The following ZBTB8A variants were observed in gnomAD, a reference collection of about 807,000 sequenced individuals.
The protein encoded by ZBTB8A is zinc finger and BTB domain-containing protein 8A.
Under a neutral mutation model 37.8 loss-of-function variants are expected in ZBTB8A, and 19 were observed. The observed-to-expected ratio is 0.50, with a 90% CI of 0.35 to 0.74. The LOEUF (loss-of-function observed/expected upper bound fraction) is 0.74, where lower values mean the gene tolerates loss of function less well. Among genes scored for constraint, ZBTB8A ranks in the 30% least tolerant of loss-of-function variants. ZBTB8A has a pLI of 0.01. For missense variants in ZBTB8A, 394 were observed against 537.8 expected (o/e 0.73, Z 2.65); for synonymous variants, 181 against 185.2 (o/e 0.98, Z 0.19).
intron 2 of ZBTB8A, among the ~76,000 whole-genome samples, chr1:32,588,268 T>C (rs1644463495): frequency 1.3e-5 from 2 of 152,060 alleles, no homozygotes; most frequent in South Asian, 4.1e-4. Context: ...GGGGATGCCT[T>C]ATGGGACCGA....
At chr1:32,545,157 A>G (rs1186328403) in intron 1 of ZBTB8A, among the ~76,000 whole-genome samples, 2 of 152,182 alleles carry the variant, frequency 1.3e-5, no homozygotes, top group Non-Finnish European at 1.5e-5. Flanking sequence ...TACTCTGGCC[A>G]ACACTTAGTA....
At chr1:32,578,610 C>T (rs892185265) in intron 2 of ZBTB8A, among the ~76,000 whole-genome samples, 23 of 151,972 alleles carry the variant, frequency 1.5e-4, no homozygotes, top group African/African-American at 5.5e-4. Flanking sequence ...GCTTTTACAT[C>T]CTTCTTTGCT....
In ZBTB8A at chr1:32,602,698, C is replaced by A. The variant is rs1054304984; in HGVS notation, c.*2279C>A. The A allele has an allele frequency of 1.3e-5, 2 of 151,832 alleles. No homozygotes were observed. The highest frequency in any genetic ancestry group is 2.9e-5 in the Non-Finnish European group (2 of 67,992). 9.4% of individuals were successfully genotyped at this position (151,832 alleles called of 1,614,324 possible). A position where few individuals can be genotyped will look rare whatever the true frequency, so the allele number is the denominator to read the frequency against. ...CCCGAGTAGCTGGGACTTACAGGCG[C>A]CCACCACCACTCCCAGCTAATTTTT... On this transcript the variant is annotated 3_prime_UTR_variant, in exon 5 of 5. Coordinates refer to ENST00000373510, the MANE Select transcript of ZBTB8A (RefSeq NM_001040441.3).
At position 32,544,955 on chromosome 1, in the gene ZBTB8A, A is replaced by G. The variant is rs1419441794; in HGVS notation, c.-84+5383A>G. On this transcript the variant is annotated intron_variant, in intron 1 of 4. Coordinates refer to ENST00000373510, the MANE Select transcript of ZBTB8A (RefSeq NM_001040441.3). ...CTTAGCTGTTGCAAATAATGCTATT[A>G]TAAACATTCGTGTATCAGTTTCTGT... 2.6e-5 allele frequency among the ~76,000 whole-genome samples: 4 copies of G among 152,174 alleles called. No individual in the cohort carries two copies. In the East Asian group the frequency reaches 5.8e-4, roughly 22 times the overall value.
intron 2 of ZBTB8A, among the ~76,000 whole-genome samples, chr1:32,586,193 C>T (rs966467986): frequency 1.3e-5 from 2 of 151,706 alleles, no homozygotes; most frequent in Non-Finnish European, 2.9e-5. Context: ...GTGGTGCATG[C>T]CTGTAATCCC....
At chr1:32,542,965 T>A (rs1312576083) in intron 1 of ZBTB8A, among the ~76,000 whole-genome samples, 5 of 152,206 alleles carry the variant, frequency 3.3e-5, no homozygotes, top group Non-Finnish European at 5.9e-5. Flanking sequence ...GAAAATAACT[T>A]AAACCTTTTT....
chr1:32,549,577 G>A (rs760719871), intron 1 of ZBTB8A, among the ~76,000 whole-genome samples: 2 of 152,070 alleles, frequency 1.3e-5, no homozygotes, highest in Non-Finnish European at 2.9e-5. Flanking sequence ...TAATTTAAGG[G>A]TCGACTAACT....
chr1:32,603,017 A>G lies in ZBTB8A; in HGVS notation c.*2598A>G, dbSNP rs997232843. ...AAATAGATGAATAACCACTTGTTTC[A>G]TGGTACTTAATTGAGACTTTTTCAA... On this transcript the variant is annotated 3_prime_UTR_variant, in exon 5 of 5. Coordinates refer to ENST00000373510, the MANE Select transcript of ZBTB8A (RefSeq NM_001040441.3). 2 of 152,116 alleles carry G rather than the reference A, an allele frequency of 1.3e-5. No individual in the cohort carries two copies. The highest frequency in any genetic ancestry group is 2.4e-5 in the African/African-American group (1 of 41,424). 9.4% of individuals were successfully genotyped at this position (152,116 alleles called of 1,614,324 possible). A position where few individuals can be genotyped will look rare whatever the true frequency, so the allele number is the denominator to read the frequency against.
intron 3 of ZBTB8A, among the ~76,000 whole-genome samples, chr1:32,594,540 A>G (rs1056353554): frequency 6.6e-6 from 1 of 152,130 alleles, no homozygotes; most frequent in Non-Finnish European, 1.5e-5. Context: ...AGGCGGGCAG[A>G]TCATGAGGTC....
intron 2 of ZBTB8A, among the ~76,000 whole-genome samples, chr1:32,581,217 T>A (rs1324957386): frequency 2.1e-5 from 2 of 96,232 alleles, no homozygotes; most frequent in African/African-American, 8.4e-5. Flanking sequence ...ATATTATATA[T>A]AATATAATAT....
chr1:32,592,706 C>A (rs1459946378), intron 2 of ZBTB8A, among the ~76,000 whole-genome samples: 1 of 152,038 alleles, frequency 6.6e-6, no homozygotes, highest in East Asian at 1.9e-4. Context: ...AGGGTTTCGC[C>A]ATGTTGTCCA....
In ZBTB8A at chr1:32,594,828, G is replaced by A. The variant is rs117431619; in HGVS notation, c.824-226G>A. On this transcript the variant is annotated intron_variant, in intron 3 of 4. Transcript: ENST00000373510. ...CAACTTTCTAAATATATCAAATACC[G>A]AAGTTAAAGTTCCATACTTAGGATT... 1.4e-3 allele frequency among the ~76,000 whole-genome samples: 208 copies of A among 150,692 alleles called. 5 individuals carry two copies. The East Asian group carries it at 0.031, about 22-fold the overall frequency.
At chr1:32,549,748 T>A (rs1644136995) in intron 1 of ZBTB8A, among the ~76,000 whole-genome samples, 1 of 151,926 alleles carries the variant, frequency 6.6e-6, no homozygotes, top group Non-Finnish European at 1.5e-5. Flanking sequence ...TGAAAATAAA[T>A]AAAAGGAAAC....
At chr1:32,581,987 A>C (rs1255802061) in intron 2 of ZBTB8A, among the ~76,000 whole-genome samples, 1 of 152,098 alleles carries the variant, frequency 6.6e-6, no homozygotes, top group Non-Finnish European at 1.5e-5. Flanking sequence ...GAGGATTACA[A>C]TTCAAGATGA....
Position 32,600,657 on chromosome 1 carries a change from C to T in ZBTB8A, c.*238C>T. On this transcript the variant is annotated 3_prime_UTR_variant, in exon 5 of 5. Coordinates refer to ENST00000373510, the MANE Select transcript of ZBTB8A (RefSeq NM_001040441.3). ...AGCTTGAGTTGGCTTGATGGATGAA[C>T]AATTATCCTCTTACTTTCATTACAA... 4.6e-6 allele frequency: 2 copies of T among 435,374 alleles called. No homozygotes were observed. Among genetic ancestry groups the T allele is most frequent in the Non-Finnish European group, 8.2e-6 (2 of 243,950 alleles). The allele number at this position is 435,374 out of a possible 1,614,324, so 27.0% of individuals were successfully genotyped here.
intron 2 of ZBTB8A, among the ~76,000 whole-genome samples, chr1:32,575,021 C>T (rs1355186245): frequency 6.6e-6 from 1 of 152,070 alleles, no homozygotes; most frequent in African/African-American, 2.4e-5. Flanking sequence ...GTAGTTCTCC[C>T]ACTTTGGCCT....
At chr1:32,543,890 A>C (rs1355718503) in intron 1 of ZBTB8A, among the ~76,000 whole-genome samples, 2 of 151,950 alleles carry the variant, frequency 1.3e-5, no homozygotes, top group Admixed American at 6.6e-5. Context: ...GTTCGCCAGG[A>C]TGGTCTCGGT....
chr1:32,592,351 G>A (rs959195793), intron 2 of ZBTB8A, among the ~76,000 whole-genome samples: 3 of 151,772 alleles, frequency 2.0e-5, no homozygotes, highest in South Asian at 2.1e-4. Context: ...GCTCGGGTAC[G>A]TGGTGAGACC....
chr1:32,550,650 T>C (rs1644145383), intron 1 of ZBTB8A, among the ~76,000 whole-genome samples: 1 of 149,880 alleles, frequency 6.7e-6, no homozygotes, highest in Admixed American at 6.7e-5. Context: ...GAAAAAGAGA[T>C]CAGTTCTCTT....
Sources: allele counts gnomAD v4.1 joint callset (sites outside exome capture counted in the v4.1 genomes callset), GRCh38; gene constraint gnomAD v4.1.1; transcripts MANE v1.5; gene names NCBI Gene and HGNC (gene_info 2026-07-23, HGNC 2026-07-21).